PSD2: variants seen among roughly 807,000 people sequenced by gnomAD.
PSD2 encodes PH and SEC7 domain-containing protein 2.
PSD2 carries 38 observed loss-of-function variants against 69.8 expected under a neutral mutation model. That is an observed-to-expected ratio of 0.54 (90% CI 0.42 to 0.71). The LOEUF (loss-of-function observed/expected upper bound fraction) is 0.71. Among genes scored for constraint, PSD2 ranks in the 30% least tolerant of loss-of-function variants. PSD2 has a pLI of 0.00. For synonymous variants in PSD2, 412 were observed against 423.0 expected, an observed-to-expected ratio of 0.97 and a Z score of 0.32; for missense variants, 943 against 1,014.5, an observed-to-expected ratio of 0.93 and a Z score of 0.96.
At chr5:139,761,332 T>C in the PSD2 span, among the ~76,000 whole-genome samples, 1 of 152,192 alleles carries the variant, frequency 6.6e-6, no homozygotes, top group Non-Finnish European at 1.5e-5. Context: ...CTCAGCCTTC[T>C]CCTCCATTCT....
At chr5:139,785,239 T>C in the PSD2 span, among the ~76,000 whole-genome samples, 1 of 151,494 alleles carries the variant, frequency 6.6e-6, no homozygotes, top group African/African-American at 2.4e-5. Context: ...CCTTCCTTTT[T>C]TTTTTTTCAG....
intron 4 of PSD2, among the ~76,000 whole-genome samples, chr5:139,816,071 C>T (rs921120882): frequency 6.6e-6 from 1 of 151,540 alleles, no homozygotes; most frequent in African/African-American, 2.4e-5. Context: ...CCTCTATATG[C>T]CCATTACTGA....
In PSD2 at chr5:139,842,443, C is replaced by T; in HGVS notation, c.2285C>T (p.Thr762Ile). The change falls in exon 15 of 15, where the codon ACC becomes ATC. Residue 762 changes from threonine (T) to isoleucine (I), a missense_variant. Thr to Ile is a moderately conservative substitution (Grantham distance 89). Coordinates refer to ENST00000274710, the MANE Select transcript of PSD2 (RefSeq NM_032289.4). ...LSQGHVTGSK[T>I]TKDATGPDT ...CAGGGCCATGTGACTGGCAGCAAAA[C>T]CACAAAGGATGCCACTGGGCCTGAT... The T allele has an allele frequency of 6.2e-7, 1 of 1,614,180 alleles. No individual in the cohort carries two copies. The highest frequency in any genetic ancestry group is 8.5e-7 in the Non-Finnish European group (1 of 1,180,022).
chr5:139,823,973 C>T (rs909264010), intron 7 of PSD2, among the ~76,000 whole-genome samples: 6 of 152,178 alleles, frequency 3.9e-5, no homozygotes, highest in African/African-American at 1.4e-4. Flanking sequence ...ACAGCTTTTG[C>T]CAAGTCCACC....
Position 139,842,624 on chromosome 5 carries a change from A to G in PSD2, c.*150A>G. 1.5e-6 allele frequency: 1 copy of G among 675,560 alleles called. No individual in the cohort carries two copies. The highest frequency in any genetic ancestry group is 2.5e-6 in the Non-Finnish European group (1 of 398,220). 41.8% of individuals were successfully genotyped at this position (675,560 alleles called of 1,614,324 possible). A position where few individuals can be genotyped will look rare whatever the true frequency, so the allele number is the denominator to read the frequency against. On this transcript the variant is annotated 3_prime_UTR_variant, in exon 15 of 15. Transcript: ENST00000274710. ...AAGCCTGTGGGCCCAGGAGATGGAG[A>G]TGCCGTTTGTGGCGTTGATCTCCTT...
At chr5:139,811,462 A>G (rs1186072174) in intron 2 of PSD2, among the ~76,000 whole-genome samples, 1 of 152,142 alleles carries the variant, frequency 6.6e-6, no homozygotes, top group Non-Finnish European at 1.5e-5. Flanking sequence ...GCTGATGCAG[A>G]GGGAGGGGAG....
the PSD2 span, among the ~76,000 whole-genome samples, chr5:139,768,678 A>G: frequency 6.6e-6 from 1 of 151,676 alleles, no homozygotes; most frequent in Admixed American, 6.6e-5. Context: ...AGCCGAGATC[A>G]AGCCATTGCA....
upstream of PSD2, among the ~76,000 whole-genome samples, chr5:139,795,328 C>T (rs1435374966): frequency 6.6e-6 from 1 of 152,058 alleles, no homozygotes; most frequent in Non-Finnish European, 1.5e-5. The surrounding 1 kb of genome is among the most constrained non-coding windows in gnomAD (Gnocchi z 4.5). Context: ...GGCGGCGTCT[C>T]CCGGGGGCTG....
At chr5:139,788,235 C>T in the PSD2 span, among the ~76,000 whole-genome samples, 1 of 151,890 alleles carries the variant, frequency 6.6e-6, no homozygotes, top group African/African-American at 2.4e-5. Context: ...CGAGCTCCCC[C>T]TGCGGGAACC....
the PSD2 span, among the ~76,000 whole-genome samples, chr5:139,786,342 G>A: frequency 1.4e-4 from 21 of 151,842 alleles, no homozygotes; most frequent in African/African-American, 4.4e-4. Context: ...AACAAAGATC[G>A]CTGCCACTGC....
chr5:139,805,151 C>T (rs961182486), intron 1 of PSD2, among the ~76,000 whole-genome samples: 2 of 152,214 alleles, frequency 1.3e-5, no homozygotes, highest in Admixed American at 6.5e-5. Context: ...TGCACCCATG[C>T]ACTTGCCCCT....
At position 139,814,067 on chromosome 5, in the gene PSD2, C is replaced by T. The variant is rs544111559; in HGVS notation, c.822-103C>T. On this transcript the variant is annotated intron_variant, in intron 3 of 14. Coordinates refer to ENST00000274710, the MANE Select transcript of PSD2 (RefSeq NM_032289.4). This position sits in a 1 kb window ranked among gnomAD's most constrained non-coding sequence, Gnocchi z 4.4. ...AGTGGAGCTTCTTTCCCTGTTCTGG[C>T]CCCTACATGGTTTGCAGTGGCCTGG... 4 of 1,101,618 alleles carry T rather than the reference C, an allele frequency of 3.6e-6. No individual in the cohort carries two copies. The highest frequency in any genetic ancestry group is 2.4e-5 in the East Asian group (1 of 41,728). 68.2% of individuals were successfully genotyped at this position (1,101,618 alleles called of 1,614,324 possible).
intron 13 of PSD2, 54 bp downstream of exon 13, chr5:139,838,826 G>A (rs893949160): frequency 1.2e-4 from 182 of 1,577,396 alleles, no homozygotes; most frequent in Admixed American, 2.2e-4. Context: ...CCTCAGCCCA[G>A]GCCCCCATCC....
At chr5:139,825,351 G>C (rs1760389921) in intron 7 of PSD2, among the ~76,000 whole-genome samples, 1 of 152,262 alleles carries the variant, frequency 6.6e-6, no homozygotes, top group Non-Finnish European at 1.5e-5. Flanking sequence ...TAGCGCTGCT[G>C]TGAACATTCG....
In PSD2 at chr5:139,813,469, GC is replaced by G. The variant is rs1361260068; in HGVS notation, c.538del (p.Leu180SerfsTer56). ...GAGCGACAGCTGCGTCAGCTTCGAG[GC>G]CCCCCTCACACCCCTCATCCAGCAG... ...DESDSCVSFE[A>X]PLTPLIQQRA... On this transcript the variant is annotated frameshift_variant, in exon 3 of 15. Transcript: ENST00000274710. LOFTEE classifies it high-confidence loss of function. 1 of 1,613,960 alleles carries G rather than the reference GC, an allele frequency of 6.2e-7. No individual in the cohort carries two copies. Among genetic ancestry groups the G allele is most frequent in the Non-Finnish European group, 8.5e-7 (1 of 1,179,848 alleles).
chr5:139,797,326 A>G (rs565180648), intron 1 of PSD2, among the ~76,000 whole-genome samples: 56 of 152,344 alleles, frequency 3.7e-4, no homozygotes, highest in African/African-American at 1.3e-3. Flanking sequence ...AGAGCCCCCA[A>G]AAGATTCCCA....
chr5:139,807,427 G>A (rs145021756), intron 1 of PSD2, among the ~76,000 whole-genome samples: 32 of 149,306 alleles, frequency 2.1e-4, no homozygotes, highest in Non-Finnish European at 4.3e-4. Flanking sequence ...TACAACCAGA[G>A]GGAACCGATT....
chr5:139,821,875 C>G lies in PSD2; in HGVS notation c.1098-18C>G. 1 of 1,550,446 alleles carries G rather than the reference C, an allele frequency of 6.4e-7. No individual in the cohort carries two copies. Among genetic ancestry groups the G allele is most frequent in the Non-Finnish European group, 8.8e-7 (1 of 1,130,206 alleles). ...TGAGGACTCAGACTGCCCTCAGCAG[C>G]TTTGAATTGCCTTCCAGAACATTCT... On this transcript the variant is annotated intron_variant, in intron 5 of 14. Coordinates refer to ENST00000274710, the MANE Select transcript of PSD2 (RefSeq NM_032289.4).
chr5:139,814,559 G>C lies in PSD2; in HGVS notation c.1016+195G>C, dbSNP rs1760070332. On this transcript the variant is annotated intron_variant, in intron 4 of 14. Coordinates refer to ENST00000274710, the MANE Select transcript of PSD2 (RefSeq NM_032289.4). The surrounding 1 kb of genome is among the most constrained non-coding windows in gnomAD (Gnocchi z 4.4). ...AATCTGTTTCCTTTCTGGGCTGCTT[G>C]GGCGAAGCTGATGCTCTCGGGGAGG... Among the ~76,000 whole-genome samples the C allele has an allele frequency of 6.6e-6, 1 of 152,026 alleles. No homozygotes were observed. Among genetic ancestry groups the C allele is most frequent in the African/African-American group, 2.4e-5 (1 of 41,364 alleles).
Sources: gnomAD v4.1 joint callset for allele counts (sites outside exome capture counted in the v4.1 genomes callset) on GRCh38, gnomAD v4.1.1 for gene constraint, Gnocchi (gnomAD v3.1) non-coding constraint, MANE v1.5 for transcripts, NCBI Gene and HGNC (gene_info 2026-07-23, HGNC 2026-07-21) for gene names.